The following CLUL1 variants were observed in gnomAD, a reference collection of about 807,000 sequenced individuals.
CLUL1 encodes the protein clusterin like 1, also known as clusterin-like protein 1.
CLUL1 carries 43 observed loss-of-function variants against 49.4 expected under a neutral mutation model. That is an observed-to-expected ratio of 0.87 (90% CI 0.68 to 1.12). CLUL1 has a LOEUF of 1.12. CLUL1 is among the 50% of genes most tolerant of loss of function. The pLI is 0.00. For missense variants in CLUL1, 486 were observed against 544.4 expected, an observed-to-expected ratio of 0.89 and a Z score of 1.07; for synonymous variants, 192 against 184.9, an observed-to-expected ratio of 1.04 and a Z score of -0.31.
chr18:609,543 G>A (rs2073071610), intron 2 of CLUL1, among the ~76,000 whole-genome samples: 1 of 152,036 alleles, frequency 6.6e-6, no homozygotes, highest in Admixed American at 6.6e-5. Context: ...GTTTAGATTG[G>A]CCAGGCATGG....
intron 2 of CLUL1, among the ~76,000 whole-genome samples, chr18:615,016 A>G (rs978679427): frequency 3.3e-5 from 5 of 152,180 alleles, no homozygotes; most frequent in African/African-American, 1.2e-4. Context: ...TTTGAAATCC[A>G]TCTGATTCCT....
intron 1 of CLUL1, among the ~76,000 whole-genome samples, chr18:604,224 G>T (rs574346566): frequency 6.6e-6 from 1 of 152,334 alleles, no homozygotes; most frequent in South Asian, 2.1e-4. Flanking sequence ...CAAGTTGTGT[G>T]TATCAATACT....
intron 2 of CLUL1, among the ~76,000 whole-genome samples, chr18:608,475 G>A (rs2073043335): frequency 6.6e-6 from 1 of 151,600 alleles, no homozygotes. Flanking sequence ...TGTAAGAAAA[G>A]TCATATTAAT....
chr18:647,738 C>G (rs1355464616), intron 9 of CLUL1, among the ~76,000 whole-genome samples: 4 of 152,160 alleles, frequency 2.6e-5, no homozygotes, highest in African/African-American at 9.7e-5. Flanking sequence ...CAAATAGTCA[C>G]TTCTTCAGGG....
intron 7 of CLUL1, among the ~76,000 whole-genome samples, chr18:640,397 G>A (rs950144014): frequency 5.3e-5 from 8 of 151,480 alleles, no homozygotes; most frequent in South Asian, 2.1e-4. Context: ...GTAACAGAGC[G>A]AGAACCTGTC....
chr18:638,272 T>C (rs139055034), intron 7 of CLUL1, among the ~76,000 whole-genome samples: 146 of 152,314 alleles, frequency 9.6e-4, no homozygotes, highest in African/African-American at 3.3e-3. Flanking sequence ...ATAGTCCTGC[T>C]CAAGCATCCC....
At chr18:610,750 T>G (rs559094357) in intron 2 of CLUL1, among the ~76,000 whole-genome samples, 2 of 152,130 alleles carry the variant, frequency 1.3e-5, no homozygotes, top group Non-Finnish European at 1.5e-5. Flanking sequence ...CAGAGATGAA[T>G]CCAAGGCTGG....
intron 7 of CLUL1, among the ~76,000 whole-genome samples, chr18:639,193 A>G (rs940414623): frequency 6.6e-6 from 1 of 152,012 alleles, no homozygotes; most frequent in Non-Finnish European, 1.5e-5. Context: ...TTGGGAGGCC[A>G]AGGCAGGCGG....
chr18:645,820 T>A (rs1249255837), intron 9 of CLUL1, among the ~76,000 whole-genome samples: 1,006 of 46,978 alleles, frequency 0.021, 263 homozygotes, highest in East Asian at 0.12. Flanking sequence ...AATATATATA[T>A]ATATATATAT....
chr18:648,457 A>T (rs896555422), intron 9 of CLUL1, among the ~76,000 whole-genome samples: 17 of 152,296 alleles, frequency 1.1e-4, no homozygotes, highest in Admixed American at 9.8e-4. Flanking sequence ...ATTATCCATA[A>T]TCCCACCATC....
chr18:636,534 A>T (rs1483789968), intron 7 of CLUL1, among the ~76,000 whole-genome samples: 1 of 152,198 alleles, frequency 6.6e-6, no homozygotes, highest in Non-Finnish European at 1.5e-5. Flanking sequence ...TCAATTAAAT[A>T]AAAAAATGAG....
intron 2 of CLUL1, among the ~76,000 whole-genome samples, chr18:610,334 T>C (rs540788368): frequency 1.3e-5 from 2 of 152,300 alleles, no homozygotes; most frequent in African/African-American, 2.4e-5. Flanking sequence ...CGGGCCCAGA[T>C]GCAATACATC....
At chr18:617,844 C>A in intron 2 of CLUL1, 144 bp from the exon 3 acceptor site, 1 of 649,880 alleles carries the variant, frequency 1.5e-6, no homozygotes, top group South Asian at 2.0e-5. Context: ...TTCCTTATGT[C>A]TCAGGCACAT....
chr18:645,711 G>C (rs1488988829), intron 9 of CLUL1, among the ~76,000 whole-genome samples: 2 of 145,660 alleles, frequency 1.4e-5, no homozygotes, highest in Non-Finnish European at 3.0e-5. Context: ...GGAGAATGGC[G>C]TGAACCCGGG....
rs138829559 is a variant in CLUL1, at chr18:645,107, G to GTGCCTGGTTAGGAA, written c.1397+16_1397+29dup. The GTGCCTGGTTAGGAA allele has an allele frequency of 1.5e-3, 2,325 of 1,577,318 alleles. 34 individuals are homozygous for GTGCCTGGTTAGGAA. In the African/African-American group the frequency reaches 0.028, roughly 19 times the overall value. On this transcript the variant is annotated intron_variant, in intron 9 of 9. Transcript: ENST00000692774. ...AACATTTTAAAACCTGGTAAGCAGA[G>GTGCCTGGTTAGGAA]TGCCTGGTTAGGAATGCCTTGTTGA...
intron 5 of CLUL1, among the ~76,000 whole-genome samples, chr18:626,434 A>C (rs1005484041): frequency 1.3e-5 from 2 of 152,148 alleles, no homozygotes; most frequent in Non-Finnish European, 1.5e-5. Context: ...TCCTGTTTCC[A>C]TAGGCAAAGG....
chr18:613,162 G>A (rs2073189937), intron 2 of CLUL1: 1 of 442,604 alleles, frequency 2.3e-6, no homozygotes, highest in African/African-American at 2.0e-5. Context: ...TTTTGAGATG[G>A]AGTCTTGCTC....
At position 637,148 on chromosome 18, in the gene CLUL1, G is replaced by A. The variant is rs7241827; in HGVS notation, c.994+3713G>A. On this transcript the variant is annotated intron_variant, in intron 7 of 9. Transcript: ENST00000692774. ...ACTACAGGCGCCCGCCACCATGCCC[G>A]GCTAAATTTTTGTATTTTTAGTAGA... is the stretch of plus-strand genomic sequence containing the variant. 4.0e-3 allele frequency among the ~76,000 whole-genome samples: 604 copies of A among 151,858 alleles called. 2 individuals carry two copies. The highest frequency in any genetic ancestry group is 0.014 in the African/African-American group (567 of 41,436).
At chr18:604,931 T>TA (rs1230949739) in intron 1 of CLUL1, among the ~76,000 whole-genome samples, 1 of 152,200 alleles carries the variant, frequency 6.6e-6, no homozygotes, top group Non-Finnish European at 1.5e-5. Context: ...CCCCAGTGCG[T>TA]ATGTGGGACC....
Sources: gnomAD v4.1 joint callset for allele counts (sites outside exome capture counted in the v4.1 genomes callset) on GRCh38, gnomAD v4.1.1 for gene constraint, MANE v1.5 for transcripts, NCBI Gene and HGNC (gene_info 2026-07-23, HGNC 2026-07-21) for gene names.